Variants in PCCA observed in about 807,000 individuals in gnomAD.
PCCA encodes propionyl-CoA carboxylase alpha chain, mitochondrial.
PCCA carries 74 observed loss-of-function variants against 101.3 expected under a neutral mutation model. The observed-to-expected ratio is 0.73, with a 90% CI of 0.61 to 0.89. The LOEUF is 0.89. Among genes scored for constraint, PCCA ranks in the 40% least tolerant of loss-of-function variants. The pLI is 0.00. For synonymous variants in PCCA, 294 were observed against 313.6 expected (o/e 0.94, Z 0.66); for missense variants, 891 against 907.0 (o/e 0.98, Z 0.23).
intron 4 of PCCA, among the ~76,000 whole-genome samples, chr13:100,149,982 A>G (rs902703726): frequency 1.3e-5 from 2 of 152,320 alleles, no homozygotes; most frequent in South Asian, 2.1e-4. Flanking sequence ...CTAATTGACT[A>G]ATATGAAATT....
Position 100,295,378 on chromosome 13 carries a change from T to C in PCCA, c.1066-6082T>C, listed in dbSNP as rs558359530. ...AGTGGGTAATCATACTAAACTACTT[T>C]GCTAAGTTGAATCCAACAAGTTCTG... On this transcript the variant is annotated intron_variant, in intron 12 of 23. Transcript: ENST00000376285. 4.6e-5 allele frequency among the ~76,000 whole-genome samples: 7 copies of C among 152,340 alleles called. No homozygotes were observed. The South Asian group carries it at 1.4e-3, about 32-fold the overall frequency.
At chr13:100,150,284 G>T (rs1417871151) in intron 4 of PCCA, among the ~76,000 whole-genome samples, 3 of 151,910 alleles carry the variant, frequency 2.0e-5, no homozygotes, top group African/African-American at 7.3e-5. Flanking sequence ...CACCCGCCTC[G>T]GCCTCCCAAA....
intron 19 of PCCA, among the ~76,000 whole-genome samples, chr13:100,380,613 G>A (rs980976457): frequency 2.0e-5 from 3 of 152,122 alleles, no homozygotes; most frequent in Admixed American, 6.5e-5. Context: ...AAATGGTGTC[G>A]AAACACCTGG....
intron 20 of PCCA, among the ~76,000 whole-genome samples, chr13:100,444,431 C>CTTTTT (rs57941571): frequency 2.2e-5 from 1 of 45,400 alleles, no homozygotes; most frequent in Non-Finnish European, 3.7e-5. Flanking sequence ...TTTGAACAAC[C>CTTTTT]TTTTTTTTTT....
chr13:100,527,194 A>G (rs1268490163), intron 22 of PCCA: 2 of 438,446 alleles, frequency 4.6e-6, no homozygotes, highest in Non-Finnish European at 9.4e-6. Context: ...GTCAATTCAG[A>G]GTTGTGTAGT....
intron 8 of PCCA, among the ~76,000 whole-genome samples, chr13:100,242,723 C>T (rs979308967): frequency 6.6e-6 from 1 of 152,086 alleles, no homozygotes; most frequent in African/African-American, 2.4e-5. Flanking sequence ...CGCAATGTTC[C>T]CAAGACTTAG....
At chr13:100,224,219 G>A (rs895773913) in intron 7 of PCCA, among the ~76,000 whole-genome samples, 2 of 152,248 alleles carry the variant, frequency 1.3e-5, no homozygotes, top group Non-Finnish European at 1.5e-5. Flanking sequence ...AAGGCTGGGC[G>A]AGAAATCGAG....
intron 6 of PCCA, among the ~76,000 whole-genome samples, chr13:100,172,982 C>A (rs1594527846): frequency 6.6e-6 from 1 of 152,180 alleles, no homozygotes; most frequent in East Asian, 1.9e-4. Context: ...CAACACAAAA[C>A]CTTAAAATGT....
At chr13:100,307,383 G>A (rs951696309) in intron 15 of PCCA, 123 bp downstream of exon 15, 8 of 725,160 alleles carry the variant, frequency 1.1e-5, no homozygotes, top group African/African-American at 5.4e-5. Context: ...ATGCACTGAT[G>A]TAAATGTGAA....
At chr13:100,433,046 G>T (rs1431118492) in intron 20 of PCCA, among the ~76,000 whole-genome samples, 4 of 152,164 alleles carry the variant, frequency 2.6e-5, no homozygotes, top group Non-Finnish European at 4.4e-5. Context: ...CTCTGTCAAC[G>T]GACATTTGGG....
chr13:100,415,484 A>C (rs1567095723), intron 19 of PCCA, among the ~76,000 whole-genome samples: 2 of 152,224 alleles, frequency 1.3e-5, no homozygotes, highest in African/African-American at 4.8e-5. Flanking sequence ...AAGATATACT[A>C]TGAAAGTCTA....
chr13:100,509,205 C>CTG (rs1348520201), intron 21 of PCCA, among the ~76,000 whole-genome samples: 6 of 152,232 alleles, frequency 3.9e-5, no homozygotes, highest in African/African-American at 7.2e-5. Context: ...GATATGTTAA[C>CTG]TGTTACCGTG....
intron 19 of PCCA, among the ~76,000 whole-genome samples, chr13:100,406,492 G>A (rs1287678885): frequency 4.6e-5 from 7 of 152,142 alleles, no homozygotes; most frequent in Non-Finnish European, 1.0e-4. Flanking sequence ...ATCACCTGAG[G>A]TCAGGAGTTC....
intron 6 of PCCA, among the ~76,000 whole-genome samples, chr13:100,183,958 C>T (rs573594807): frequency 2.0e-5 from 3 of 152,182 alleles, no homozygotes; most frequent in African/African-American, 4.8e-5. Context: ...GCTGTTAGGC[C>T]GTGTGCTAGT....
chr13:100,261,463 T>G (rs2062507464), intron 9 of PCCA, among the ~76,000 whole-genome samples: 1 of 151,998 alleles, frequency 6.6e-6, no homozygotes, highest in Non-Finnish European at 1.5e-5. Context: ...CTTCCCAGGT[T>G]CAAGCGGTTC....
intron 21 of PCCA, among the ~76,000 whole-genome samples, chr13:100,514,284 G>T (rs1439055319): frequency 6.6e-6 from 1 of 152,126 alleles, no homozygotes; most frequent in Non-Finnish European, 1.5e-5. Context: ...GGCCATCAAA[G>T]CTCTGCCCCC....
At chr13:100,095,982 C>T (rs895035989) in intron 1 of PCCA, among the ~76,000 whole-genome samples, 4 of 152,078 alleles carry the variant, frequency 2.6e-5, no homozygotes, top group Admixed American at 2.6e-4. Flanking sequence ...TGTAGAAGAC[C>T]AAGCTAGAGA....
chr13:100,301,344 C>A, intron 12 of PCCA, 116 bp from the exon 13 acceptor site: 1 of 1,085,604 alleles, frequency 9.2e-7, no homozygotes, highest in Non-Finnish European at 1.4e-6. Context: ...CAAATATGTT[C>A]AAATGTTACA....
At chr13:100,278,658 T>G (rs183672882) in intron 12 of PCCA, among the ~76,000 whole-genome samples, 1 of 152,152 alleles carries the variant, frequency 6.6e-6, no homozygotes, top group Non-Finnish European at 1.5e-5. Flanking sequence ...TTTTGTATTT[T>G]TAGTAGAGAC....
Sources: allele counts gnomAD v4.1 joint callset (sites outside exome capture counted in the v4.1 genomes callset), GRCh38; gene constraint gnomAD v4.1.1; transcripts MANE v1.5; gene names NCBI Gene and HGNC (gene_info 2026-07-23, HGNC 2026-07-21).